The following GLB1L3 variants were observed in gnomAD, a reference collection of about 807,000 sequenced individuals.
GLB1L3 encodes the protein galactosidase beta 1 like 3.
A neutral mutation model predicts 89.5 loss-of-function variants in GLB1L3; 89 were observed. That is an observed-to-expected ratio of 0.99 (90% CI 0.84 to 1.19). The LOEUF (loss-of-function observed/expected upper bound fraction) is 1.19, where lower values mean the gene tolerates loss of function less well. Among genes scored for constraint, GLB1L3 ranks in the 50% most tolerant of loss-of-function variants. GLB1L3 has a pLI of 0.00. For synonymous variants in GLB1L3, 314 were observed against 312.3 expected, an observed-to-expected ratio of 1.01 and a Z score of -0.06; for missense variants, 812 against 813.3, an observed-to-expected ratio of 1.00 and a Z score of 0.02.
chr11:134,324,041 G>T (rs1388906153), downstream of GLB1L3, among the ~76,000 whole-genome samples: 6 of 152,176 alleles, frequency 3.9e-5, no homozygotes, highest in East Asian at 5.8e-4. Flanking sequence ...AGCCATGTTT[G>T]TTCTTTCTTT....
At chr11:134,277,187 C>T (rs780026983) in intron 1 of GLB1L3, 139 bp from the exon 2 acceptor site, 3 of 1,068,312 alleles carry the variant, frequency 2.8e-6, no homozygotes, top group Admixed American at 3.5e-5. Flanking sequence ...GGCCCTGGGC[C>T]CGCCTGGAAG....
intron 3 of GLB1L3, 106 bp from the exon 4 acceptor site, chr11:134,281,271 T>G: frequency 7.7e-7 from 1 of 1,301,292 alleles, no homozygotes; most frequent in Non-Finnish European, 1.1e-6. Flanking sequence ...TCAACTTATT[T>G]CAAAATAGAG....
chr11:134,307,880 C>T (rs547768559), intron 10 of GLB1L3, among the ~76,000 whole-genome samples: 15 of 152,164 alleles, frequency 9.9e-5, no homozygotes, highest in Admixed American at 1.3e-4. Flanking sequence ...GCCTGGCAGT[C>T]GTTTACTTAA....
intron 6 of GLB1L3, among the ~76,000 whole-genome samples, chr11:134,286,084 T>G (rs1326157446): frequency 6.6e-6 from 1 of 151,946 alleles, no homozygotes; most frequent in Non-Finnish European, 1.5e-5. Flanking sequence ...AATTTTTGTA[T>G]TTTTAGTAGA....
chr11:134,285,278 G>A (rs780711084), intron 6 of GLB1L3, among the ~76,000 whole-genome samples: 1 of 151,922 alleles, frequency 6.6e-6, no homozygotes, highest in South Asian at 2.1e-4. Context: ...GATAAGAAAC[G>A]CCTTCATTTT....
chr11:134,322,718 G>A (rs1943182078), downstream of GLB1L3, among the ~76,000 whole-genome samples: 1 of 152,152 alleles, frequency 6.6e-6, no homozygotes, highest in South Asian at 2.1e-4. Flanking sequence ...ACGTTTTCAA[G>A]CTTCATGGAT....
At chr11:134,305,029 A>G (rs1056167974) in intron 9 of GLB1L3, 6 of 1,461,650 alleles carry the variant, frequency 4.1e-6, no homozygotes, top group Non-Finnish European at 2.8e-6. Context: ...GTGGCATAAT[A>G]ACAATGTATC....
Position 134,313,494 on chromosome 11 carries a change from T to C in GLB1L3, c.1579+20T>C, listed in dbSNP as rs1222189773. On this transcript the variant is annotated intron_variant, in intron 16 of 19. Coordinates refer to ENST00000431683, the MANE Select transcript of GLB1L3 (RefSeq NM_001080407.3). ...AGAAAGGTGGGCTCTGGCTGTGGCT[T>C]CTCCTCAGTTGCTCAGAACCGAAGA... 6.4e-7 allele frequency: 1 copy of C among 1,551,222 alleles called. No individual in the cohort carries two copies. Among genetic ancestry groups the C allele is most frequent in the African/African-American group, 1.4e-5 (1 of 73,258 alleles).
chr11:134,314,436 C>G lies in GLB1L3; in HGVS notation c.1774C>G (p.Leu592Val), dbSNP rs1942893820. ...GPSPKDTFLS[L>V]LNWNYGFVFI... The stretch of plus-strand genomic sequence containing the variant: ...TTCTCCCAAGGACACCTTCCTGAGC[C>G]TGCTGGTAGGTGATGCCCTCTGCTG... Residue 592 changes from leucine to valine, a missense_variant, in exon 18 of 20, where the codon CTG becomes GTG. Leu to Val is a conservative substitution (Grantham distance 32, BLOSUM62 1). Coordinates refer to ENST00000431683, the MANE Select transcript of GLB1L3 (RefSeq NM_001080407.3). The G allele has an allele frequency of 6.5e-7, 1 of 1,542,650 alleles. No homozygotes were observed. The highest frequency in any genetic ancestry group is 2.0e-5 in the Admixed American group (1 of 51,004).
chr11:134,276,645 G>T lies in GLB1L3; in HGVS notation c.-96G>T. 1 of 1,163,560 alleles carries T rather than the reference G, an allele frequency of 8.6e-7. No homozygotes were observed. Among genetic ancestry groups the T allele is most frequent in the Non-Finnish European group, 1.1e-6 (1 of 898,168 alleles). 72.1% of individuals were successfully genotyped at this position (1,163,560 alleles called of 1,614,324 possible). ...GCGCGCAGACCTGAGCCTGCCCCGC[G>T]GAACCGGGGCTCGAGTCCCGGCCCG... On this transcript the variant is annotated 5_prime_UTR_variant, in exon 1 of 20. Transcript: ENST00000431683.
At position 134,310,466 on chromosome 11, in the gene GLB1L3, C is replaced by T. The variant is rs938803112; in HGVS notation, c.1100-105C>T. 5 of 787,132 alleles carry T rather than the reference C, an allele frequency of 6.4e-6. No homozygotes were observed. The South Asian group carries it at 7.9e-5, about 12-fold the overall frequency. The allele number at this position is 787,132 out of a possible 1,614,324, so 48.8% of individuals were successfully genotyped here. On this transcript the variant is annotated intron_variant, in intron 11 of 19. Coordinates refer to ENST00000431683, the MANE Select transcript of GLB1L3 (RefSeq NM_001080407.3). The stretch of plus-strand genomic sequence containing the variant: ...CCCACGTGGGATGGAAGGTGTCTTC[C>T]TTTTGTCTCACTCACGGTGGCCCTG...
intron 9 of GLB1L3, among the ~76,000 whole-genome samples, chr11:134,295,484 A>G (rs1941581656): frequency 6.6e-6 from 1 of 152,220 alleles, no homozygotes; most frequent in Non-Finnish European, 1.5e-5. Flanking sequence ...CAGTCCTAAT[A>G]TTGCTAATTT....
intron 10 of GLB1L3, 145 bp downstream of exon 10, chr11:134,307,353 C>G: frequency 1.6e-6 from 1 of 629,718 alleles, no homozygotes; most frequent in Non-Finnish European, 2.8e-6. Context: ...CAGCCAGGCC[C>G]TGAGGATGCT....
At chr11:134,293,515 C>T (rs371160092) in intron 9 of GLB1L3, among the ~76,000 whole-genome samples, 6 of 152,106 alleles carry the variant, frequency 3.9e-5, no homozygotes, top group African/African-American at 7.2e-5. Flanking sequence ...GACGGCTATG[C>T]GCGTTGCTCA....
In GLB1L3 at chr11:134,292,174, G is replaced by A. The variant is rs1941396494; in HGVS notation, c.772G>A (p.Asp258Asn). 3 of 1,613,736 alleles carry A rather than the reference G, an allele frequency of 1.9e-6. No individual in the cohort carries two copies. Among genetic ancestry groups the A allele is most frequent in the African/African-American group, 2.7e-5 (2 of 75,024 alleles). ...RGIVELLLTS[D>N]GEKHVLSGHT... ...GATTGTGGAGCTTCTCTTGACCTCT[G>A]ATGGTGAGAAACATGTGCTGAGTGG... The change falls in exon 8 of 20, where the codon GAT becomes AAT. Residue 258 changes from aspartate (D) to asparagine (N), a missense_variant. Coordinates refer to ENST00000431683, the MANE Select transcript of GLB1L3 (RefSeq NM_001080407.3).
rs1030344665 is a variant in GLB1L3, at chr11:134,281,359, C to G, written c.363-18C>G. ...AAATAAGAAGATACTCATCATACTT[C>G]CCTCTCACCTCTTCTAGCTATGTTC... On this transcript the variant is annotated intron_variant, in intron 3 of 19. Coordinates refer to ENST00000431683, the MANE Select transcript of GLB1L3 (RefSeq NM_001080407.3). 3 of 1,613,912 alleles carry G rather than the reference C, an allele frequency of 1.9e-6. No individual in the cohort carries two copies. The highest frequency in any genetic ancestry group is 2.7e-5 in the African/African-American group (2 of 74,916).
At position 134,276,915 on chromosome 11, in the gene GLB1L3, G is replaced by C. The variant is rs185973625; in HGVS notation, c.23+152G>C. Among the ~76,000 whole-genome samples, 1,068 of 152,220 alleles carry C rather than the reference G, an allele frequency of 7.0e-3. 9 individuals are homozygous for C. Among genetic ancestry groups the C allele is most frequent in the African/African-American group, 0.024 (1,006 of 41,558 alleles). On this transcript the variant is annotated intron_variant, in intron 1 of 19. Coordinates refer to ENST00000431683, the MANE Select transcript of GLB1L3 (RefSeq NM_001080407.3). ...AAGCCCGCTGTCCCCAGCTTTCCTC[G>C]GCAGATCCCCTGGCTACCCCCACCC...
At chr11:134,276,138 C>T (rs563483451), upstream of GLB1L3, 17 of 152,452 alleles carry the variant, frequency 1.1e-4, no homozygotes, top group East Asian at 1.2e-3. Context: ...TGAGGCTGTG[C>T]TCGGGCCGCT....
intron 18 of GLB1L3, 35 bp from the exon 19 acceptor site, chr11:134,318,596 C>A: frequency 7.3e-7 from 1 of 1,376,254 alleles, no homozygotes; most frequent in Non-Finnish European, 1.0e-6. Flanking sequence ...CTAATGTGAA[C>A]CAATTTCCAA....
Sources: allele counts gnomAD v4.1 joint callset (sites outside exome capture counted in the v4.1 genomes callset), GRCh38; gene constraint gnomAD v4.1.1; transcripts MANE v1.5; gene names NCBI Gene and HGNC (gene_info 2026-07-23, HGNC 2026-07-21).